SHISA6: variants seen among roughly 807,000 people sequenced by gnomAD.
SHISA6 encodes shisa family member 6.
In SHISA6, 22 loss-of-function variants were observed where a neutral mutation model predicts 47.9. The observed-to-expected ratio is 0.46, with a 90% CI of 0.33 to 0.66. The LOEUF (loss-of-function observed/expected upper bound fraction) is 0.66, where lower values mean the gene tolerates loss of function less well. Ranked by LOEUF, SHISA6 falls within the 30% of genes least tolerant of loss-of-function variation. The pLI, the probability that SHISA6 is intolerant of heterozygous loss-of-function variation, is 0.02. For synonymous variants in SHISA6, 388 were observed against 337.8 expected, an observed-to-expected ratio of 1.15 and a Z score of -1.63; for missense variants, 680 against 764.6, an observed-to-expected ratio of 0.89 and a Z score of 1.30.
chr17:11,514,092 G>A (rs1318457419), intron 3 of SHISA6, among the ~76,000 whole-genome samples: 1 of 152,092 alleles, frequency 6.6e-6, no homozygotes, highest in Non-Finnish European at 1.5e-5. Context: ...CCTAGGGAGA[G>A]GCAGTTCTGA....
chr17:11,394,495 A>T (rs1567593830), intron 3 of SHISA6, among the ~76,000 whole-genome samples: 3 of 152,152 alleles, frequency 2.0e-5, no homozygotes, highest in Non-Finnish European at 1.5e-5. Context: ...CCACTCAATC[A>T]TATACATTTT....
chr17:11,488,341 C>T (rs2142336004), intron 3 of SHISA6, among the ~76,000 whole-genome samples: 1 of 152,150 alleles, frequency 6.6e-6, no homozygotes, highest in Non-Finnish European at 1.5e-5. Context: ...TATAGATGAG[C>T]AAAAGCTGAA....
intron 2 of SHISA6, among the ~76,000 whole-genome samples, chr17:11,265,772 C>T (rs1908403441): frequency 6.6e-6 from 1 of 152,178 alleles, no homozygotes; most frequent in African/African-American, 2.4e-5. Flanking sequence ...TTCCCCACTG[C>T]TGAACACAGA....
chr17:11,464,857 G>A (rs968734948), intron 3 of SHISA6, among the ~76,000 whole-genome samples: 1 of 151,402 alleles, frequency 6.6e-6, no homozygotes, highest in East Asian at 1.9e-4. Flanking sequence ...CAGAAGAATT[G>A]CTTGAACCCA....
chr17:11,527,452 A>G (rs1290682376), intron 3 of SHISA6, among the ~76,000 whole-genome samples: 1 of 152,210 alleles, frequency 6.6e-6, no homozygotes, highest in Non-Finnish European at 1.5e-5. Context: ...TACTGAGTCT[A>G]CTGCTGGATG....
chr17:11,386,696 C>G (rs1913205835), intron 3 of SHISA6, among the ~76,000 whole-genome samples: 2 of 152,190 alleles, frequency 1.3e-5, no homozygotes, highest in Non-Finnish European at 2.9e-5. Context: ...ATAGAATCTA[C>G]AGCTCAGGCG....
intron 2 of SHISA6, among the ~76,000 whole-genome samples, chr17:11,298,380 A>G (rs957128921): frequency 3.3e-5 from 5 of 152,226 alleles, no homozygotes; most frequent in African/African-American, 1.2e-4. Flanking sequence ...GAAACCAATA[A>G]GCTCACTCAT....
chr17:11,545,444 G>A (rs1396927381), intron 3 of SHISA6, among the ~76,000 whole-genome samples: 1 of 152,192 alleles, frequency 6.6e-6, no homozygotes, highest in African/African-American at 2.4e-5. Flanking sequence ...AGGAATCCTT[G>A]TGTTGACAGA....
chr17:11,333,427 C>T (rs1357114787), intron 2 of SHISA6, among the ~76,000 whole-genome samples: 1 of 152,172 alleles, frequency 6.6e-6, no homozygotes, highest in Non-Finnish European at 1.5e-5. Context: ...CCTCCAGGGA[C>T]AGGACAGGAG....
At chr17:11,543,247 GTA>G (rs2071848831) in intron 3 of SHISA6, among the ~76,000 whole-genome samples, 2 of 152,086 alleles carry the variant, frequency 1.3e-5, no homozygotes, top group Non-Finnish European at 2.9e-5. Flanking sequence ...TGAGTGTAAT[GTA>G]TGTATACATA....
chr17:11,241,990 G>A lies in SHISA6; in HGVS notation c.568G>A (p.Val190Met), dbSNP rs1386873521. 2 of 1,551,036 alleles carry A rather than the reference G, an allele frequency of 1.3e-6. No individual in the cohort carries two copies. The highest frequency in any genetic ancestry group is 1.2e-5 in the South Asian group (1 of 84,056). ...ITCGVIAFVI[V>M]AGVFAKVSYD... is the part of the protein sequence containing the mutation. ...CTGCGGGGTGATCGCCTTCGTCATC[G>A]TGGCCGGCGTCTTCGCCAAGGTCTC... is the stretch of plus-strand genomic sequence containing the variant. Residue 190 changes from valine to methionine, a missense_variant, in exon 1 of 6, where the codon GTG becomes ATG. Physicochemically the swap from Val to Met is conservative, Grantham distance 21. Transcript: ENST00000441885. This position sits in a 1 kb window ranked among gnomAD's most constrained non-coding sequence, Gnocchi z 5.5.
chr17:11,519,529 T>C (rs780885735), intron 3 of SHISA6, among the ~76,000 whole-genome samples: 12 of 151,866 alleles, frequency 7.9e-5, no homozygotes, highest in Non-Finnish European at 1.6e-4. Flanking sequence ...GGGGACAGAG[T>C]TTCAGCTAGG....
At chr17:11,304,951 G>A (rs970845677) in intron 2 of SHISA6, among the ~76,000 whole-genome samples, 2 of 152,208 alleles carry the variant, frequency 1.3e-5, no homozygotes, top group Non-Finnish European at 2.9e-5. Flanking sequence ...TCCTCAGACC[G>A]CATGTTTCGA....
At chr17:11,437,246 T>A (rs1475615496) in intron 3 of SHISA6, among the ~76,000 whole-genome samples, 1 of 152,204 alleles carries the variant, frequency 6.6e-6, no homozygotes, top group Non-Finnish European at 1.5e-5. Flanking sequence ...TCCCTGTTGC[T>A]GAGAATTGCC....
intron 3 of SHISA6, among the ~76,000 whole-genome samples, chr17:11,433,733 C>T (rs954661153): frequency 6.6e-5 from 10 of 152,064 alleles, no homozygotes; most frequent in African/African-American, 2.4e-4. Context: ...ATTCAGGACC[C>T]TGGATACTCT....
intron 3 of SHISA6, among the ~76,000 whole-genome samples, chr17:11,434,354 C>T (rs572357236): frequency 1.4e-4 from 22 of 152,144 alleles, no homozygotes; most frequent in Non-Finnish European, 2.4e-4. Context: ...TGAGCCACCA[C>T]GCCTGGCTGG....
intron 3 of SHISA6, among the ~76,000 whole-genome samples, chr17:11,443,631 T>C (rs1915152294): frequency 6.6e-6 from 1 of 152,202 alleles, no homozygotes; most frequent in Non-Finnish European, 1.5e-5. Context: ...TACTTTATGG[T>C]GCTATCATTG....
intron 3 of SHISA6, among the ~76,000 whole-genome samples, chr17:11,447,140 C>T (rs934511647): frequency 6.6e-6 from 1 of 152,130 alleles, no homozygotes; most frequent in Admixed American, 6.5e-5. Flanking sequence ...GTCATTAAAG[C>T]CATGGGTGTG....
intron 3 of SHISA6, among the ~76,000 whole-genome samples, chr17:11,440,550 A>G (rs998751782): frequency 1.3e-5 from 2 of 150,688 alleles, no homozygotes; most frequent in Non-Finnish European, 3.0e-5. Context: ...CTCTTAGTCT[A>G]TCACTTGCCT....
Sources: allele counts gnomAD v4.1 joint callset (sites outside exome capture counted in the v4.1 genomes callset), GRCh38; gene constraint gnomAD v4.1.1; non-coding constraint Gnocchi (gnomAD v3.1); transcripts MANE v1.5; gene names NCBI Gene and HGNC (gene_info 2026-07-23, HGNC 2026-07-21).